Variants in ADGRL2 observed in about 807,000 individuals in gnomAD.
ADGRL2 encodes adhesion G protein-coupled receptor L2.
In ADGRL2, 44 loss-of-function variants were observed where a neutral mutation model predicts 157.4. The observed-to-expected ratio is 0.28, with a 90% CI of 0.22 to 0.36. The LOEUF is 0.36. Among genes scored for constraint, ADGRL2 ranks in the 10% least tolerant of loss-of-function variants. The probability of loss-of-function intolerance (pLI) is 1.00; values close to 1 mark genes in which losing one functional copy is unlikely to be tolerated. For missense variants in ADGRL2, 1,510 were observed against 1,768.9 expected (o/e 0.85, Z 2.63); for synonymous variants, 585 against 624.7 (o/e 0.94, Z 0.95).
intron 2 of ADGRL2, among the ~76,000 whole-genome samples, chr1:81,554,511 A>G (rs1399010053): frequency 6.6e-6 from 1 of 151,998 alleles, no homozygotes; most frequent in Non-Finnish European, 1.5e-5. Flanking sequence ...AAATTTTTGA[A>G]TGTAATAAAG....
At chr1:81,942,230 TA>T (rs1443144498) in intron 5 of ADGRL2, among the ~76,000 whole-genome samples, 185 bp downstream of exon 5, 1 of 151,740 alleles carries the variant, frequency 6.6e-6, no homozygotes, top group Non-Finnish European at 1.5e-5. Flanking sequence ...GGTGATGGGG[TA>T]AAAATTCTGA....
chr1:81,863,799 G>C (rs2093456974), intron 2 of ADGRL2, among the ~76,000 whole-genome samples: 2 of 152,164 alleles, frequency 1.3e-5, no homozygotes, highest in South Asian at 4.1e-4. Flanking sequence ...AGAGATTAAA[G>C]TCAATACATC....
intron 1 of ADGRL2, among the ~76,000 whole-genome samples, chr1:81,349,005 A>G (rs1662679916): frequency 6.6e-6 from 1 of 152,220 alleles, no homozygotes; most frequent in African/African-American, 2.4e-5. Flanking sequence ...TAATACTCCA[A>G]GAGATTCAGT....
chr1:81,408,566 C>T (rs1478986912), intron 1 of ADGRL2, among the ~76,000 whole-genome samples: 2 of 152,158 alleles, frequency 1.3e-5, no homozygotes, highest in Non-Finnish European at 2.9e-5. Context: ...CGTGCCTAGA[C>T]TTGTACTTAG....
At chr1:81,320,852 G>A (rs965809754) in intron 1 of ADGRL2, among the ~76,000 whole-genome samples, 2 of 152,154 alleles carry the variant, frequency 1.3e-5, no homozygotes, top group Non-Finnish European at 2.9e-5. Context: ...ATGAGCATTG[G>A]CTTCAACTTA....
Position 81,990,798 on chromosome 1 carries a change from T to A in ADGRL2, c.4063T>A (p.Ser1355Thr), listed in dbSNP as rs144339910. 4.3e-6 allele frequency: 7 copies of A among 1,614,042 alleles called. No individual in the cohort carries two copies. In the Admixed American group the frequency reaches 1.0e-4, roughly 23 times the overall value. The stretch of plus-strand genomic sequence containing the variant: ...GTACCAACCCCAGAAGAAAGTGAAG[T>A]CCGAGGGAACTGACAGCTATGTCTC... Reference protein sequence around the residue: ...LLYQPQKKVKSEGTDSYVSQL... With the variant: ...LLYQPQKKVKTEGTDSYVSQL... The change falls in exon 24 of 24, where the codon TCC becomes ACC. Residue 1355 changes from serine to threonine, a missense_variant. Around this residue, in one of 4 missense-constraint regions of ADGRL2, gnomAD observed 327 missense variants for 310.1 expected, o/e 1.05. Coordinates refer to ENST00000686636, the MANE Select transcript of ADGRL2 (RefSeq NM_001366006.2).
chr1:81,947,218 T>C (rs28492880), intron 6 of ADGRL2, among the ~76,000 whole-genome samples: 2 of 152,326 alleles, frequency 1.3e-5, no homozygotes, highest in African/African-American at 2.4e-5. Context: ...TTATTATTTA[T>C]AGGATATTCT....
At chr1:81,530,038 T>C (rs1234224778) in intron 2 of ADGRL2, among the ~76,000 whole-genome samples, 2 of 152,172 alleles carry the variant, frequency 1.3e-5, no homozygotes, top group Non-Finnish European at 2.9e-5. Context: ...GGCTAGATGA[T>C]GGCTACAGGG....
At chr1:81,764,109 G>C (rs1339399337) in intron 2 of ADGRL2, among the ~76,000 whole-genome samples, 1 of 149,236 alleles carries the variant, frequency 6.7e-6, no homozygotes, top group Non-Finnish European at 1.5e-5. Context: ...GAAGAATCAC[G>C]TGAACCCAAG....
rs1657105799 is a variant in ADGRL2 at position 81,966,560 on chromosome 1, G to A, written c.2300G>A (p.Ser767Asn). 3 of 1,613,964 alleles carry A rather than the reference G, an allele frequency of 1.9e-6. No individual in the cohort carries two copies. Among genetic ancestry groups the A allele is most frequent in the Non-Finnish European group, 2.5e-6 (3 of 1,180,000 alleles). ...VISVSINKES[S>N]RVYLTDPVLF... ...TCAGTTTCAATCAATAAAGAGTCCA[G>A]CCGAGTATACCTGACTGATCCTGTG... The change falls in exon 13 of 24, where the codon AGC becomes AAC. Residue 767 changes from serine (S) to asparagine (N), a missense_variant. This residue lies in a region of ADGRL2 where 497 missense variants were observed against 627.2 expected (regional missense o/e 0.79). Transcript: ENST00000686636.
At chr1:81,424,687 C>CAA (rs1202641168) in intron 1 of ADGRL2, among the ~76,000 whole-genome samples, 4 of 152,218 alleles carry the variant, frequency 2.6e-5, no homozygotes, top group Non-Finnish European at 5.9e-5. Context: ...ACCACTTCAT[C>CAA]AGGTGGGTGA....
intron 2 of ADGRL2, among the ~76,000 whole-genome samples, chr1:81,483,797 CAT>C (rs1009058078): frequency 3.0e-4 from 46 of 152,094 alleles, no homozygotes; most frequent in African/African-American, 9.2e-4. Context: ...TTTTAATAGA[CAT>C]GTGGAAATGG....
chr1:81,850,585 C>T (rs1335594519), intron 2 of ADGRL2, among the ~76,000 whole-genome samples: 1 of 151,830 alleles, frequency 6.6e-6, no homozygotes, highest in Non-Finnish European at 1.5e-5. Flanking sequence ...TAAATTCATT[C>T]TTTGACCTAT....
At chr1:81,534,445 A>T (rs1366801523) in intron 2 of ADGRL2, among the ~76,000 whole-genome samples, 1 of 152,232 alleles carries the variant, frequency 6.6e-6, no homozygotes, top group African/African-American at 2.4e-5. Context: ...TACAGGCGTT[A>T]GCCACCGCAC....
At chr1:81,328,898 G>T (rs1464433518) in intron 1 of ADGRL2, among the ~76,000 whole-genome samples, 1 of 151,292 alleles carries the variant, frequency 6.6e-6, no homozygotes. Flanking sequence ...CCTTTAACTG[G>T]ACTGTTTAAG....
chr1:81,612,911 G>T (rs531804606), intron 3 of ADGRL2, among the ~76,000 whole-genome samples: 2 of 152,112 alleles, frequency 1.3e-5, no homozygotes, highest in African/African-American at 4.8e-5. Context: ...CACATAATTA[G>T]CACTCATTAA....
chr1:81,334,185 A>T (rs1004383125), intron 1 of ADGRL2, among the ~76,000 whole-genome samples: 4 of 152,226 alleles, frequency 2.6e-5, no homozygotes, highest in African/African-American at 7.2e-5. Flanking sequence ...ACTGTGTTTC[A>T]TCTGGTTCTA....
chr1:81,991,071 C>A lies in ADGRL2; in HGVS notation c.4336C>A (p.Pro1446Thr), dbSNP rs868712128. 1 of 1,613,212 alleles carries A rather than the reference C, an allele frequency of 6.2e-7. No individual in the cohort carries two copies. Among genetic ancestry groups the A allele is most frequent in the Non-Finnish European group, 8.5e-7 (1 of 1,179,632 alleles). The change falls in exon 24 of 24, where the codon CCC becomes ACC. Residue 1446 changes from proline to threonine, a missense_variant. Pro to Thr is a conservative substitution (Grantham distance 38, BLOSUM62 -1). Transcript: ENST00000686636. ...SRGNSDGYII[P>T]INKEGCIPEG... is the part of the protein sequence containing the mutation. ...GGGCAATAGTGATGGTTATATAATC[C>A]CCATTAACAAAGAAGGGTGTATTCC...
At chr1:81,677,675 C>T (rs1009653665) in intron 3 of ADGRL2, among the ~76,000 whole-genome samples, 9 of 152,082 alleles carry the variant, frequency 5.9e-5, no homozygotes, top group African/African-American at 2.2e-4. Flanking sequence ...AAATTAAGCC[C>T]CTCGTTACCT....
Sources: gnomAD v4.1 joint callset for allele counts (sites outside exome capture counted in the v4.1 genomes callset) on GRCh38, gnomAD v4.1.1 for gene constraint, gnomAD v4.1.1 regional missense constraint, MANE v1.5 for transcripts, NCBI Gene and HGNC (gene_info 2026-07-23, HGNC 2026-07-21) for gene names.